Variants in CYP19A1 observed in about 807,000 individuals in gnomAD.
The protein encoded by CYP19A1 is cytochrome P450 family 19 subfamily A member 1.
CYP19A1 carries 32 observed loss-of-function variants against 44.4 expected under a neutral mutation model. The ratio of observed to expected loss-of-function variants is 0.72; its 90% CI spans 0.54 to 0.97. The LOEUF (loss-of-function observed/expected upper bound fraction) is 0.97. CYP19A1 is among the 50% of genes least tolerant of loss of function. The pLI is 0.00. For missense variants in CYP19A1, 598 were observed against 637.8 expected, an observed-to-expected ratio of 0.94 and a Z score of 0.67; for synonymous variants, 212 against 215.6, an observed-to-expected ratio of 0.98 and a Z score of 0.14.
intron 6 of CYP19A1, 133 bp from the exon 7 acceptor site, chr15:51,215,950 A>G: frequency 6.7e-7 from 1 of 1,484,168 alleles, no homozygotes; most frequent in Admixed American, 2.1e-5. Flanking sequence ...TAAGTGAATT[A>G]CTATTTTATT....
chr15:51,324,502 T>A (rs572718329), intron 1 of CYP19A1, among the ~76,000 whole-genome samples: 9 of 152,364 alleles, frequency 5.9e-5, no homozygotes, highest in African/African-American at 1.7e-4. Flanking sequence ...ATGTACCCTG[T>A]GTGACAACAT....
intron 1 of CYP19A1, among the ~76,000 whole-genome samples, chr15:51,336,803 A>G (rs1033644667): frequency 3.3e-5 from 5 of 152,114 alleles, no homozygotes; most frequent in African/African-American, 1.2e-4. Context: ...ATAGCACACA[A>G]TGTTCTTGGC....
chr15:51,294,699 C>CGGCCAGCCGCCCCGTCT (rs1224148783), intron 1 of CYP19A1, among the ~76,000 whole-genome samples: 2 of 141,652 alleles, frequency 1.4e-5, no homozygotes, highest in Non-Finnish European at 3.0e-5. Flanking sequence ...GCCCCCCGCC[C>CGGCCAGCCGCCCCGTCT]GGCCAGCCGC....
At chr15:51,325,560 C>A (rs2036593028) in intron 1 of CYP19A1, among the ~76,000 whole-genome samples, 1 of 152,166 alleles carries the variant, frequency 6.6e-6, no homozygotes, top group Admixed American at 6.5e-5. Context: ...AAAGTGCAGG[C>A]CAGGCGCCAT....
At chr15:51,299,859 C>A (rs75594172) in intron 1 of CYP19A1, among the ~76,000 whole-genome samples, 2,298 of 152,272 alleles carry the variant, frequency 0.015, 68 homozygotes, top group African/African-American at 0.053. Context: ...CAGAAGAGGG[C>A]ACACTGACCT....
At chr15:51,296,563 A>G (rs1399725615) in intron 1 of CYP19A1, among the ~76,000 whole-genome samples, 1 of 152,246 alleles carries the variant, frequency 6.6e-6, no homozygotes. Flanking sequence ...CTAAAATTAC[A>G]GAAAATGAGG....
chr15:51,258,649 T>A (rs192005451), intron 1 of CYP19A1, among the ~76,000 whole-genome samples: 1 of 152,110 alleles, frequency 6.6e-6, no homozygotes. Flanking sequence ...TGCTCCACAT[T>A]CCTTCCCCCA....
At chr15:51,325,666 C>T (rs1466319089) in intron 1 of CYP19A1, among the ~76,000 whole-genome samples, 2 of 151,794 alleles carry the variant, frequency 1.3e-5, no homozygotes, top group East Asian at 1.9e-4. Context: ...GGTGAAACCC[C>T]GTCTCTACTA....
intron 1 of CYP19A1, among the ~76,000 whole-genome samples, chr15:51,310,067 A>G (rs1249779771): frequency 6.6e-6 from 1 of 152,332 alleles, no homozygotes; most frequent in African/African-American, 2.4e-5. Flanking sequence ...TACAGGTTCT[A>G]TTTTGGGATT....
intron 1 of CYP19A1, among the ~76,000 whole-genome samples, chr15:51,266,313 A>G (rs1289178556): frequency 2.0e-5 from 3 of 152,216 alleles, no homozygotes; most frequent in African/African-American, 4.8e-5. Flanking sequence ...AGGTTAAACT[A>G]TGTACCCAAG....
intron 1 of CYP19A1, among the ~76,000 whole-genome samples, chr15:51,289,549 C>G (rs1431747077): frequency 6.6e-6 from 1 of 152,124 alleles, no homozygotes; most frequent in African/African-American, 2.4e-5. Flanking sequence ...TTGGCTGGGT[C>G]CTTTGGGGCC....
At chr15:51,222,667 G>T (rs1404891454) in intron 4 of CYP19A1, 142 bp from the exon 5 acceptor site, 1 of 730,728 alleles carries the variant, frequency 1.4e-6, no homozygotes, top group Non-Finnish European at 2.4e-6. Context: ...TAATATTTTC[G>T]TATGCTTTTC....
intron 1 of CYP19A1, among the ~76,000 whole-genome samples, chr15:51,277,557 T>C (rs1455112067): frequency 6.6e-6 from 1 of 152,194 alleles, no homozygotes; most frequent in Non-Finnish European, 1.5e-5. Context: ...AAGCTAAAGT[T>C]TGAAAGTAAA....
rs1179545969 is a variant in CYP19A1, at chr15:51,218,538, T to C, written c.743+3A>G. 2 of 1,611,744 alleles carry C rather than the reference T, an allele frequency of 1.2e-6. No individual in the cohort carries two copies. Among genetic ancestry groups the C allele is most frequent in the Admixed American group, 1.7e-5 (1 of 59,826 alleles). On this transcript the variant is annotated splice_donor_region_variant and intron_variant, in intron 6 of 9. Coordinates refer to ENST00000396402, the MANE Select transcript of CYP19A1 (RefSeq NM_000103.4). ...ATAAATCTTCCAAAGTTGTATTACT[T>C]ACACAGACTTCTCATACTTTTTGTA...
chr15:51,260,100 C>G (rs1160239907), intron 1 of CYP19A1, among the ~76,000 whole-genome samples: 1 of 152,214 alleles, frequency 6.6e-6, no homozygotes, highest in African/African-American at 2.4e-5. Flanking sequence ...CAGGAATCAG[C>G]AACTGTCTCC....
At chr15:51,219,444 AT>A (rs2031877714) in intron 5 of CYP19A1, among the ~76,000 whole-genome samples, 1 of 152,222 alleles carries the variant, frequency 6.6e-6, no homozygotes, top group Non-Finnish European at 1.5e-5. Context: ...TGTGAAAGAG[AT>A]TTTTAATTTC....
At position 51,254,061 on chromosome 15, in the gene CYP19A1, G is replaced by A. The variant is rs183502678; in HGVS notation, c.-38-11111C>T. Among the ~76,000 whole-genome samples the A allele has an allele frequency of 2.1e-4, 32 of 152,294 alleles. No homozygotes were observed. In the East Asian group the frequency reaches 6.0e-3, roughly 28 times the overall value. On this transcript the variant is annotated intron_variant, in intron 1 of 9. Transcript: ENST00000396402. ...ATATAAGTAGAAAGGCAGTTGATGA[G>A]GGACAATACAGGAGAGGCAGTGCTC...
intron 8 of CYP19A1, 151 bp downstream of exon 8, chr15:51,214,918 TG>T: frequency 1.7e-6 from 2 of 1,209,772 alleles, no homozygotes; most frequent in Non-Finnish European, 2.3e-6. Flanking sequence ...TCCGTCTATC[TG>T]GTGTAATCAA....
chr15:51,229,300 G>A (rs1056155774), intron 3 of CYP19A1, among the ~76,000 whole-genome samples: 3 of 151,218 alleles, frequency 2.0e-5, no homozygotes, highest in Non-Finnish European at 4.4e-5. Flanking sequence ...TGAGGCAGTA[G>A]GATAGCTCGA....
Sources: allele counts gnomAD v4.1 joint callset (sites outside exome capture counted in the v4.1 genomes callset), GRCh38; gene constraint gnomAD v4.1.1; transcripts MANE v1.5; gene names NCBI Gene and HGNC (gene_info 2026-07-23, HGNC 2026-07-21).